Variants in ZHX3 observed in about 807,000 individuals in gnomAD.
ZHX3 encodes the protein zinc fingers and homeoboxes protein 3.
ZHX3 carries 20 observed loss-of-function variants against 64.5 expected under a neutral mutation model. The ratio of observed to expected loss-of-function variants is 0.31; its 90% CI spans 0.22 to 0.45. The LOEUF is 0.45. Ranked by LOEUF, ZHX3 falls within the 20% of genes least tolerant of loss-of-function variation. The pLI is 1.00. For missense variants in ZHX3, 1,041 were observed against 1,195.8 expected (o/e 0.87, Z 1.91); for synonymous variants, 423 against 461.6 (o/e 0.92, Z 1.07).
At chr20:41,208,299 C>A (rs1424205259) in intron 2 of ZHX3, among the ~76,000 whole-genome samples, 17 of 152,190 alleles carry the variant, frequency 1.1e-4, no homozygotes, top group Admixed American at 9.8e-4. Flanking sequence ...TGAAACTATT[C>A]CAATCCACAG....
At chr20:41,233,177 T>C (rs1210587408) in intron 2 of ZHX3, among the ~76,000 whole-genome samples, 3 of 152,196 alleles carry the variant, frequency 2.0e-5, no homozygotes, top group African/African-American at 7.2e-5. Context: ...TGCTGAGACA[T>C]GATAACATCT....
chr20:41,195,862 T>G lies in ZHX3; in HGVS notation c.2860+6195A>C, dbSNP rs1761878396. The stretch of plus-strand genomic sequence containing the variant: ...CCTTATGATTTCTTTGACCCATTAG[T>G]TTTTAAATAGTGTGTTAATTTCCAC... On this transcript the variant is annotated intron_variant, in intron 3 of 3. Coordinates refer to ENST00000683867, the MANE Select transcript of ZHX3 (RefSeq NM_001384317.1). The surrounding 1 kb of genome is among the most constrained non-coding windows in gnomAD (Gnocchi z 4.2). Among the ~76,000 whole-genome samples, 3 of 152,228 alleles carry G rather than the reference T, an allele frequency of 2.0e-5. No individual in the cohort carries two copies. The South Asian group carries it at 6.2e-4, about 32-fold the overall frequency.
chr20:41,184,101 G>A lies in ZHX3; in HGVS notation c.*1090C>T, dbSNP rs1337124300. 2 of 152,258 alleles carry A rather than the reference G, an allele frequency of 1.3e-5. No homozygotes were observed. Among genetic ancestry groups the A allele is most frequent in the Non-Finnish European group, 2.9e-5 (2 of 68,094 alleles). 9.4% of individuals were successfully genotyped at this position (152,258 alleles called of 1,614,324 possible). On this transcript the variant is annotated 3_prime_UTR_variant, in exon 4 of 4. Coordinates refer to ENST00000683867, the MANE Select transcript of ZHX3 (RefSeq NM_001384317.1). The stretch of plus-strand genomic sequence containing the variant: ...TCTGCATGCAAGTCTTTGTGCTAAA[G>A]ACCACCCTACCTCTGATAATTCCAA...
rs2036336090 is a variant in ZHX3, at chr20:41,183,962, TAA to T, written c.*1227_*1228del. 1 of 152,190 alleles carries T rather than the reference TAA, an allele frequency of 6.6e-6. No individual in the cohort carries two copies. Among genetic ancestry groups the T allele is most frequent in the African/African-American group, 2.4e-5 (1 of 41,446 alleles). 9.4% of individuals were successfully genotyped at this position (152,190 alleles called of 1,614,324 possible). ...GTTTGGGGACATAAATATAAAACTT[TAA>T]AAGCATCCTCACAAGGACCAGTGAT... On this transcript the variant is annotated 3_prime_UTR_variant, in exon 4 of 4. Transcript: ENST00000683867. This position sits in a 1 kb window ranked among gnomAD's most constrained non-coding sequence, Gnocchi z 5.3.
At position 41,181,132 on chromosome 20, in the gene ZHX3, C is replaced by T. The variant is rs2036236903; in HGVS notation, c.*4059G>A. ...AGAGAAGGAAGCTGGGTCAAGAGAC[C>T]CTGAAGAGGAGGGTCCGTGTCTGGA... On this transcript the variant is annotated 3_prime_UTR_variant, in exon 4 of 4. Coordinates refer to ENST00000683867, the MANE Select transcript of ZHX3 (RefSeq NM_001384317.1). 1 of 152,194 alleles carries T rather than the reference C, an allele frequency of 6.6e-6. No homozygotes were observed. Among genetic ancestry groups the T allele is most frequent in the Non-Finnish European group, 1.5e-5 (1 of 68,116 alleles). 9.4% of individuals were successfully genotyped at this position (152,194 alleles called of 1,614,324 possible). A position where few individuals can be genotyped will look rare whatever the true frequency, so the allele number is the denominator to read the frequency against.
rs2040279973 is a variant in ZHX3, at chr20:41,226,478, T to C, written c.-150-21412A>G. Among the ~76,000 whole-genome samples, 2 of 152,236 alleles carry C rather than the reference T, an allele frequency of 1.3e-5. No individual in the cohort carries two copies. Among genetic ancestry groups the C allele is most frequent in the South Asian group, 2.1e-4 (1 of 4,832 alleles). On this transcript the variant is annotated intron_variant, in intron 2 of 3. Transcript: ENST00000683867. The surrounding 1 kb of genome is among the most constrained non-coding windows in gnomAD (Gnocchi z 4.4). ...TAGGTTGCTTCCCCCTCTTGGTTATTGTGAATAATGCTGCAGTGAATATGG... is the reference window on the plus strand; with the variant it reads ...TAGGTTGCTTCCCCCTCTTGGTTATCGTGAATAATGCTGCAGTGAATATGG...
In ZHX3 at chr20:41,232,276, C is replaced by T. The variant is rs1290582261; in HGVS notation, c.-150-27210G>A. On this transcript the variant is annotated intron_variant, in intron 2 of 3. Coordinates refer to ENST00000683867, the MANE Select transcript of ZHX3 (RefSeq NM_001384317.1). The surrounding 1 kb of genome is among the most constrained non-coding windows in gnomAD (Gnocchi z 5.0). The stretch of plus-strand genomic sequence containing the variant: ...CCAGAGAAAGAATATTGAAAATGGA[C>T]TTACGCTGCAGCATAAAAAAAAAAA... Among the ~76,000 whole-genome samples, 2 of 150,790 alleles carry T rather than the reference C, an allele frequency of 1.3e-5. No individual in the cohort carries two copies.
At position 41,204,517 on chromosome 20, in the gene ZHX3, C is replaced by A; in HGVS notation, c.400G>T (p.Gly134Trp). The A allele has an allele frequency of 1.2e-6, 2 of 1,614,182 alleles. No individual in the cohort carries two copies. The highest frequency in any genetic ancestry group is 2.2e-5 in the East Asian group (1 of 44,884). ...ACGTTCCACACAAAGCTGGCTTCCC[C>A]GGAGTGACATGTGGCATTGTGCAAG... ...LSLHNATCHS[G>W]EASFVWNVAK... Residue 134 changes from glycine to tryptophan, a missense_variant, in exon 3 of 4, where the codon GGG becomes TGG. By Grantham distance (184) the Gly-to-Trp change is radical (BLOSUM62 -2). Around this residue, in one of 4 missense-constraint regions of ZHX3, gnomAD observed 358 missense variants for 369.1 expected, o/e 0.97. Coordinates refer to ENST00000683867, the MANE Select transcript of ZHX3 (RefSeq NM_001384317.1). This position sits in a 1 kb window ranked among gnomAD's most constrained non-coding sequence, Gnocchi z 6.6.
intron 2 of ZHX3, among the ~76,000 whole-genome samples, chr20:41,206,711 T>C (rs984219055): frequency 1.1e-4 from 16 of 152,152 alleles, no homozygotes; most frequent in Admixed American, 7.9e-4. Context: ...TGGAACCAAG[T>C]TGGAAAACAC....
chr20:41,302,932 G>A (rs2044865614), intron 1 of ZHX3, among the ~76,000 whole-genome samples: 1 of 152,254 alleles, frequency 6.6e-6, no homozygotes, highest in Admixed American at 6.5e-5. Context: ...AATTAAAATG[G>A]CAGCTGGAGA....
chr20:41,308,042 A>G (rs1260230246), intron 1 of ZHX3, among the ~76,000 whole-genome samples: 2 of 152,236 alleles, frequency 1.3e-5, no homozygotes, highest in African/African-American at 4.8e-5. Flanking sequence ...ACCGTAATAC[A>G]GCAGAGCCTG....
chr20:41,194,068 G>C (rs1201215693), intron 3 of ZHX3, among the ~76,000 whole-genome samples: 1 of 152,074 alleles, frequency 6.6e-6, no homozygotes, highest in African/African-American at 2.4e-5. Flanking sequence ...TTTCGAACTT[G>C]GATCCTTTTA....
In ZHX3 at chr20:41,202,724, G is replaced by T. The variant is rs2038343468; in HGVS notation, c.2193C>A (p.Asn731Lys). The T allele has an allele frequency of 6.2e-7, 1 of 1,614,118 alleles. No individual in the cohort carries two copies. The highest frequency in any genetic ancestry group is 8.5e-7 in the Non-Finnish European group (1 of 1,180,028). The change falls in exon 3 of 4, where the codon AAC becomes AAA. Residue 731 changes from asparagine to lysine, a missense_variant. Asn to Lys is a moderately conservative substitution (Grantham distance 94). Around this residue, in one of 4 missense-constraint regions of ZHX3, gnomAD observed 649 missense variants for 739.8 expected, o/e 0.88. Transcript: ENST00000683867. This position sits in a 1 kb window ranked among gnomAD's most constrained non-coding sequence, Gnocchi z 7.0. ...KVSPIKINLK[N>K]LRVTEANGRN... is the part of the protein sequence containing the mutation. ...TGCCATTGGCTTCAGTGACCCTCAG[G>T]TTCTTCAGGTTGATTTTAATGGGGC... is the stretch of plus-strand genomic sequence containing the variant.
intron 2 of ZHX3, among the ~76,000 whole-genome samples, chr20:41,235,640 C>A (rs907302210): frequency 6.6e-6 from 1 of 152,140 alleles, no homozygotes; most frequent in Non-Finnish European, 1.5e-5. Context: ...TAAGAGCTAT[C>A]TATGACAAAC....
At chr20:41,214,205 T>C (rs2039360474) in intron 2 of ZHX3, among the ~76,000 whole-genome samples, 1 of 152,210 alleles carries the variant, frequency 6.6e-6, no homozygotes, top group African/African-American at 2.4e-5. Context: ...AAAAAAGCAG[T>C]AGTGGCAGCA....
At chr20:41,186,881 A>G (rs140382432) in intron 3 of ZHX3, among the ~76,000 whole-genome samples, 6 of 152,320 alleles carry the variant, frequency 3.9e-5, no homozygotes, top group Admixed American at 3.3e-4. Flanking sequence ...ATCTCTTATC[A>G]GATGTATGAT....
At chr20:41,271,551 AGAGGAAGCAGGTAGGAGT>A (rs1232844773) in intron 1 of ZHX3, among the ~76,000 whole-genome samples, 1 of 152,318 alleles carries the variant, frequency 6.6e-6, no homozygotes, top group East Asian at 1.9e-4. Flanking sequence ...TTGGATCATA[AGAGGAAGCAGGTAGGAGT>A]GTGGAAGACA....
intron 1 of ZHX3, among the ~76,000 whole-genome samples, chr20:41,282,834 T>C (rs1404066883): frequency 6.6e-6 from 1 of 152,244 alleles, no homozygotes; most frequent in Non-Finnish European, 1.5e-5. Flanking sequence ...TTTGATCAGC[T>C]AGAGACTGGT....
At chr20:41,186,632 C>T (rs1437400196) in intron 3 of ZHX3, among the ~76,000 whole-genome samples, 1 of 152,238 alleles carries the variant, frequency 6.6e-6, no homozygotes, top group South Asian at 2.1e-4. Flanking sequence ...GATCCAGTTT[C>T]TCCACATCCT....
Sources: gnomAD v4.1 joint callset for allele counts (sites outside exome capture counted in the v4.1 genomes callset) on GRCh38, gnomAD v4.1.1 for gene constraint, gnomAD v4.1.1 regional missense constraint, Gnocchi (gnomAD v3.1) non-coding constraint, MANE v1.5 for transcripts, NCBI Gene and HGNC (gene_info 2026-07-23, HGNC 2026-07-21) for gene names.